Variants in NFIB observed in about 807,000 individuals in gnomAD.
NFIB encodes the protein nuclear factor I B, also known as nuclear factor 1 B-type.
Under a neutral mutation model 61.5 loss-of-function variants are expected in NFIB, and 11 were observed. That is an observed-to-expected ratio of 0.18 (90% CI 0.11 to 0.30). The LOEUF is 0.30. NFIB is among the 10% of genes least tolerant of loss of function. The pLI, the probability that NFIB is intolerant of heterozygous loss-of-function variation, is 1.00. For synonymous variants in NFIB, 260 were observed against 216.5 expected, an observed-to-expected ratio of 1.20 and a Z score of -1.76; for missense variants, 471 against 608.9, an observed-to-expected ratio of 0.77 and a Z score of 2.38.
At chr9:14,153,832 T>C (rs2043111543) in intron 4 of NFIB, among the ~76,000 whole-genome samples, 1 of 152,156 alleles carries the variant, frequency 6.6e-6, no homozygotes, top group Admixed American at 6.6e-5. Flanking sequence ...AGTTTAATTG[T>C]GTAAACAAAG....
intron 2 of NFIB, among the ~76,000 whole-genome samples, chr9:14,269,329 T>C (rs2057435693): frequency 6.6e-6 from 1 of 152,176 alleles, no homozygotes; most frequent in Admixed American, 6.5e-5. Flanking sequence ...TTTTTTAACA[T>C]TACAGAAGAC....
chr9:14,184,430 G>A (rs2047123170), intron 2 of NFIB, among the ~76,000 whole-genome samples: 1 of 151,944 alleles, frequency 6.6e-6, no homozygotes, highest in South Asian at 2.1e-4. Flanking sequence ...ATCTAAGTTG[G>A]AAGCAATTAT....
At chr9:14,323,120 G>T (rs1404385814) in intron 1 of NFIB, among the ~76,000 whole-genome samples, 1 of 152,234 alleles carries the variant, frequency 6.6e-6, no homozygotes, top group East Asian at 1.9e-4. Flanking sequence ...AAATGTTCCT[G>T]GCTGCGCAGC....
the NFIB span, among the ~76,000 whole-genome samples, chr9:14,525,102 T>C: frequency 6.6e-6 from 1 of 152,154 alleles, no homozygotes; most frequent in Non-Finnish European, 1.5e-5. Flanking sequence ...TCCAAAGAAT[T>C]CAACTACCTC....
chr9:14,151,849 G>T (rs535105043), intron 4 of NFIB, among the ~76,000 whole-genome samples: 3 of 152,182 alleles, frequency 2.0e-5, no homozygotes, highest in African/African-American at 7.2e-5. Flanking sequence ...TAGAGCCCCT[G>T]AGATGCACTC....
chr9:14,138,919 T>C (rs2041375978), intron 6 of NFIB, among the ~76,000 whole-genome samples: 1 of 152,144 alleles, frequency 6.6e-6, no homozygotes, highest in Non-Finnish European at 1.5e-5. Context: ...TGTATGTATA[T>C]GTAAAATTTT....
rs1377997375 is a variant in NFIB at position 14,209,008 on chromosome 9, G to C, written c.563-29228C>G. Among the ~76,000 whole-genome samples, 3 of 152,280 alleles carry C rather than the reference G, an allele frequency of 2.0e-5. No individual in the cohort carries two copies. In the South Asian group the frequency reaches 6.2e-4, roughly 32 times the overall value. On this transcript the variant is annotated intron_variant, in intron 2 of 10. Coordinates refer to ENST00000380953, the MANE Select transcript of NFIB (RefSeq NM_001190737.2). ...AAAATGAAATGTTTTCTGATAAGTA[G>C]CATGTCAGAGTAAACAAGTTATTTT...
chr9:14,411,033 A>T, the NFIB span, among the ~76,000 whole-genome samples: 1 of 152,204 alleles, frequency 6.6e-6, no homozygotes, highest in South Asian at 2.1e-4. Context: ...TTGATGCTTT[A>T]AAAAAATCTC....
intron 10 of NFIB, among the ~76,000 whole-genome samples, chr9:14,104,585 T>C (rs943113892): frequency 5.3e-5 from 8 of 152,126 alleles, no homozygotes; most frequent in Non-Finnish European, 8.8e-5. Context: ...TTAATTTTTA[T>C]TTGTTTGTTT....
At chr9:14,360,752 G>T (rs1335661557) in intron 1 of NFIB, among the ~76,000 whole-genome samples, 1 of 151,950 alleles carries the variant, frequency 6.6e-6, no homozygotes, top group East Asian at 1.9e-4. Flanking sequence ...CACCTTGTTA[G>T]CCAGAATGGT....
intron 6 of NFIB, among the ~76,000 whole-genome samples, chr9:14,141,497 C>T (rs1052779053): frequency 2.2e-4 from 33 of 152,052 alleles, no homozygotes; most frequent in African/African-American, 7.7e-4. Flanking sequence ...AGCATGGAGT[C>T]GGTTCTCTCA....
chr9:14,366,676 G>A (rs1218383063), intron 1 of NFIB, among the ~76,000 whole-genome samples: 5 of 151,896 alleles, frequency 3.3e-5, no homozygotes, highest in Admixed American at 3.3e-4. Flanking sequence ...TAGTAGAGAT[G>A]GGTTTCACCA....
At chr9:14,401,450 C>G (rs1305992047), upstream of NFIB, among the ~76,000 whole-genome samples, 1 of 152,150 alleles carries the variant, frequency 6.6e-6, no homozygotes, top group African/African-American at 2.4e-5. Flanking sequence ...AGTTCACCAT[C>G]GGCCTGGAAG....
chr9:14,134,756 C>T lies in NFIB; in HGVS notation c.926-8990G>A, dbSNP rs563848760. Among the ~76,000 whole-genome samples, 49 of 151,610 alleles carry T rather than the reference C, an allele frequency of 3.2e-4. No individual in the cohort carries two copies. The Middle Eastern group carries it at 0.01, about 32-fold the overall frequency. The stretch of plus-strand genomic sequence containing the variant: ...TACTAAAACTACAAAAATTAGCTGG[C>T]CATGGTGGCGTGCATCTGTAATACC... On this transcript the variant is annotated intron_variant, in intron 6 of 10. Coordinates refer to ENST00000380953, the MANE Select transcript of NFIB (RefSeq NM_001190737.2).
chr9:14,098,732 C>T (rs1033229556), intron 10 of NFIB, among the ~76,000 whole-genome samples: 1 of 152,238 alleles, frequency 6.6e-6, no homozygotes, highest in African/African-American at 2.4e-5. Flanking sequence ...TCTGGGTTAA[C>T]TGCAGTTCCT....
chr9:14,175,856 C>G (rs1347066586), intron 3 of NFIB, among the ~76,000 whole-genome samples: 4 of 152,132 alleles, frequency 2.6e-5, no homozygotes, highest in Non-Finnish European at 5.9e-5. Flanking sequence ...CAGAGAATTC[C>G]CCACAAAACT....
chr9:14,156,598 A>T (rs2043437204), intron 3 of NFIB, among the ~76,000 whole-genome samples: 1 of 152,076 alleles, frequency 6.6e-6, no homozygotes, highest in Non-Finnish European at 1.5e-5. Flanking sequence ...ATGCCACATG[A>T]CCCTTAAGTC....
At chr9:14,102,642 A>AT (rs2035949810) in intron 10 of NFIB, 1 of 604,142 alleles carries the variant, frequency 1.7e-6, no homozygotes, top group African/African-American at 1.9e-5. Context: ...TTAAAGAAAA[A>AT]AAAAAAGCAA....
intron 1 of NFIB, chr9:14,361,230 GTTGA>G (rs2061236120): frequency 6.7e-6 from 1 of 148,450 alleles, no homozygotes; most frequent in Non-Finnish European, 1.5e-5. Flanking sequence ...CTCCTTGAGA[GTTGA>G]TTAACTGGGA....
Sources: allele counts gnomAD v4.1 joint callset (sites outside exome capture counted in the v4.1 genomes callset), GRCh38; gene constraint gnomAD v4.1.1; transcripts MANE v1.5; gene names NCBI Gene and HGNC (gene_info 2026-07-23, HGNC 2026-07-21).